Variants in SLC8A1 observed in about 807,000 individuals in gnomAD.
The protein encoded by SLC8A1 is solute carrier family 8 member A1, also known as sodium/calcium exchanger 1.
A neutral mutation model predicts 68.3 loss-of-function variants in SLC8A1; 18 were observed. That is an observed-to-expected ratio of 0.26 (90% CI 0.18 to 0.39). The LOEUF is 0.39. Ranked by LOEUF, SLC8A1 falls within the 10% of genes least tolerant of loss-of-function variation. SLC8A1 has a pLI of 1.00. For synonymous variants in SLC8A1, 475 were observed against 415.5 expected (o/e 1.14, Z -1.74); for missense variants, 985 against 1,156.7 (o/e 0.85, Z 2.15).
At position 40,280,251 on chromosome 2, in the gene SLC8A1, TAAA is replaced by T. The variant is rs67427562; in HGVS notation, c.1809-102399_1809-102397del. On this transcript the variant is annotated intron_variant, in intron 2 of 7. Transcript: ENST00000406785. ...TGATAAAACCTGAGGAAATAAACACTAAAAAAAAAAAAAAAAAAAAAAGGTTGT... is the reference window on the plus strand; with the variant it reads ...TGATAAAACCTGAGGAAATAAACACTAAAAAAAAAAAAAAAAAAAGGTTGT... Among the ~76,000 whole-genome samples, 215 of 94,460 alleles carry T rather than the reference TAAA, an allele frequency of 2.3e-3. 1 individual carries two copies. The highest frequency in any genetic ancestry group is 0.016 in the East Asian group (58 of 3,520). 62.0% of individuals were successfully genotyped at this position (94,460 alleles called of 152,430 possible).
At chr2:40,351,033 T>C (rs1670919758) in intron 2 of SLC8A1, among the ~76,000 whole-genome samples, 1 of 152,168 alleles carries the variant, frequency 6.6e-6, no homozygotes, top group East Asian at 1.9e-4. Context: ...TAATGCAATA[T>C]TAAATTATTA....
chr2:40,155,383 C>G (rs1413404375), intron 6 of SLC8A1, among the ~76,000 whole-genome samples: 1 of 152,146 alleles, frequency 6.6e-6, no homozygotes, highest in African/African-American at 2.4e-5. Flanking sequence ...CCTGCCTCGG[C>G]CTCCCAAAGT....
At chr2:40,400,064 G>C (rs62149403) in intron 2 of SLC8A1, among the ~76,000 whole-genome samples, 67 of 152,202 alleles carry the variant, frequency 4.4e-4, no homozygotes, top group African/African-American at 1.2e-3. Context: ...CCCCAGTCAC[G>C]TACCCGCTGC....
At chr2:40,289,852 C>T (rs998457351) in intron 2 of SLC8A1, among the ~76,000 whole-genome samples, 3 of 150,340 alleles carry the variant, frequency 2.0e-5, no homozygotes, top group African/African-American at 7.5e-5. Flanking sequence ...CAGAGCGAGA[C>T]TCAGTCTCAA....
chr2:40,497,596 A>C (rs554181749), intron 1 of SLC8A1, among the ~76,000 whole-genome samples: 17 of 152,192 alleles, frequency 1.1e-4, no homozygotes, highest in Admixed American at 9.2e-4. Context: ...AAAAGCACTC[A>C]AGAAAGAAGG....
chr2:40,462,672 G>A (rs1190477612), intron 1 of SLC8A1, among the ~76,000 whole-genome samples: 1 of 151,960 alleles, frequency 6.6e-6, no homozygotes, highest in Non-Finnish European at 1.5e-5. Flanking sequence ...GTCAGATGTG[G>A]TGGTGCATGC....
chr2:40,450,911 G>C (rs1203483436), intron 1 of SLC8A1, among the ~76,000 whole-genome samples: 1 of 150,320 alleles, frequency 6.7e-6, no homozygotes. Flanking sequence ...TTTGGAGAGG[G>C]AAATACAAAT....
chr2:40,121,203 G>C (rs948299877), intron 7 of SLC8A1, among the ~76,000 whole-genome samples: 8 of 152,282 alleles, frequency 5.3e-5, no homozygotes, highest in African/African-American at 1.9e-4. Context: ...CAGACTCTCT[G>C]AGGACGGGAT....
At chr2:40,450,617 A>T (rs1446649365) in intron 1 of SLC8A1, among the ~76,000 whole-genome samples, 2 of 152,152 alleles carry the variant, frequency 1.3e-5, no homozygotes, top group African/African-American at 4.8e-5. Context: ...GTCATTTTTT[A>T]AAAAGCTTCT....
intron 2 of SLC8A1, among the ~76,000 whole-genome samples, chr2:40,198,515 A>G (rs2053522772): frequency 6.6e-6 from 1 of 151,980 alleles, no homozygotes; most frequent in Non-Finnish European, 1.5e-5. Context: ...TTGCTATAAG[A>G]AAAATATTTA....
chr2:40,477,005 T>G (rs542821420), intron 1 of SLC8A1, among the ~76,000 whole-genome samples: 11 of 152,324 alleles, frequency 7.2e-5, no homozygotes, highest in South Asian at 4.1e-4. Flanking sequence ...TAATTTTTTT[T>G]GGGAGGATGT....
intron 2 of SLC8A1, among the ~76,000 whole-genome samples, chr2:40,219,031 A>G (rs1191188812): frequency 5.6e-5 from 1 of 17,948 alleles, no homozygotes; most frequent in African/African-American, 2.0e-4. Context: ...GTCAAATCCT[A>G]TTTCTTGGTC....
intron 2 of SLC8A1, among the ~76,000 whole-genome samples, chr2:40,300,528 A>T (rs955139518): frequency 6.6e-6 from 1 of 152,198 alleles, no homozygotes; most frequent in Non-Finnish European, 1.5e-5. Flanking sequence ...CCTCAGCGTA[A>T]GTCTGAAACA....
intron 6 of SLC8A1, among the ~76,000 whole-genome samples, chr2:40,151,179 G>A (rs1373712583): frequency 6.6e-6 from 1 of 152,082 alleles, no homozygotes; most frequent in Non-Finnish European, 1.5e-5. Flanking sequence ...ATATGTGAAA[G>A]TTCACATCTC....
intron 2 of SLC8A1, among the ~76,000 whole-genome samples, chr2:40,216,432 C>G (rs935714162): frequency 1.3e-5 from 2 of 152,054 alleles, no homozygotes; most frequent in African/African-American, 4.8e-5. Context: ...GGCTCCATGA[C>G]TGCTATTGGA....
At chr2:40,255,269 C>T (rs1412279512) in intron 2 of SLC8A1, 1 of 152,118 alleles carries the variant, frequency 6.6e-6, no homozygotes, top group Non-Finnish European at 1.5e-5. Context: ...ATATCCTTAC[C>T]ATCTGCACAC....
At chr2:40,131,719 C>A (rs939275483) in intron 7 of SLC8A1, among the ~76,000 whole-genome samples, 1 of 152,216 alleles carries the variant, frequency 6.6e-6, no homozygotes, top group Non-Finnish European at 1.5e-5. Context: ...ACATGCCCTT[C>A]CTGGGCCCCA....
intron 2 of SLC8A1, among the ~76,000 whole-genome samples, chr2:40,185,608 T>TG (rs1199172318): frequency 4.5e-4 from 69 of 151,906 alleles, no homozygotes; most frequent in Non-Finnish European, 9.4e-4. Context: ...AAAGGCCGGG[T>TG]GGGGTGGAGG....
At chr2:40,160,635 A>G (rs2045504406) in intron 6 of SLC8A1, 130 bp downstream of exon 9, 2 of 744,400 alleles carry the variant, frequency 2.7e-6, no homozygotes, top group African/African-American at 1.8e-5. Context: ...ATTAACAAAT[A>G]AACTTATTTC....
Sources: allele counts gnomAD v4.1 joint callset (sites outside exome capture counted in the v4.1 genomes callset), GRCh38; gene constraint gnomAD v4.1.1; transcripts MANE v1.5; gene names NCBI Gene and HGNC (gene_info 2026-07-23, HGNC 2026-07-21).